Variants in R3HCC1L observed in about 807,000 individuals in gnomAD.
R3HCC1L encodes coiled-coil domain-containing protein R3HCC1L.
R3HCC1L carries 51 observed loss-of-function variants against 59.9 expected under a neutral mutation model. The observed-to-expected ratio is 0.85, with a 90% CI of 0.68 to 1.07. R3HCC1L has a LOEUF of 1.07. R3HCC1L is among the 50% of genes least tolerant of loss of function. R3HCC1L has a pLI of 0.00. For synonymous variants in R3HCC1L, 322 were observed against 315.2 expected, an observed-to-expected ratio of 1.02 and a Z score of -0.23; for missense variants, 965 against 933.0, an observed-to-expected ratio of 1.03 and a Z score of -0.45.
At chr10:98,242,091 T>C (rs1397749707) in intron 9 of R3HCC1L, among the ~76,000 whole-genome samples, 1 of 152,204 alleles carries the variant, frequency 6.6e-6, no homozygotes, top group Non-Finnish European at 1.5e-5. Context: ...ACGCCTGTCA[T>C]CCCAGCACTT....
chr10:98,175,452 C>T (rs2134434261), intron 4 of R3HCC1L, among the ~76,000 whole-genome samples: 1 of 152,200 alleles, frequency 6.6e-6, no homozygotes, highest in East Asian at 1.9e-4. Context: ...AAAAAATTCC[C>T]TTGTCACTTT....
At chr10:98,237,870 G>A (rs1002855795) in intron 9 of R3HCC1L, among the ~76,000 whole-genome samples, 4 of 152,016 alleles carry the variant, frequency 2.6e-5, no homozygotes, top group African/African-American at 9.7e-5. Flanking sequence ...TTTTTTTTCA[G>A]TGGAAACTTT....
intron 4 of R3HCC1L, among the ~76,000 whole-genome samples, chr10:98,190,457 A>G (rs1404095702): frequency 6.6e-6 from 1 of 152,180 alleles, no homozygotes; most frequent in African/African-American, 2.4e-5. Context: ...AATATTTTCT[A>G]TGCCTGTTGT....
chr10:98,161,318 A>G (rs1179389462), intron 2 of R3HCC1L, among the ~76,000 whole-genome samples: 1 of 152,080 alleles, frequency 6.6e-6, no homozygotes, highest in Non-Finnish European at 1.5e-5. Context: ...GGTCATTTTT[A>G]TATCTTTTTG....
chr10:98,223,553 T>C (rs12781480), intron 5 of R3HCC1L, among the ~76,000 whole-genome samples: 48,478 of 151,712 alleles, frequency 0.32, 7,942 homozygotes, highest in East Asian at 0.48. Flanking sequence ...CCTATAGATA[T>C]ATCTATTCTT....
intron 5 of R3HCC1L, among the ~76,000 whole-genome samples, chr10:98,215,939 T>G (rs1361050119): frequency 6.6e-6 from 1 of 152,204 alleles, no homozygotes; most frequent in African/African-American, 2.4e-5. Flanking sequence ...CAGAGGAGTT[T>G]AAAGATTGAA....
intron 9 of R3HCC1L, 117 bp from the exon 10 acceptor site, chr10:98,243,972 AAG>A (rs1388069584): frequency 2.6e-6 from 2 of 775,288 alleles, no homozygotes; most frequent in African/African-American, 1.7e-5. Flanking sequence ...GTTATCAGGT[AAG>A]AGAGACCAGG....
Position 98,182,785 on chromosome 10 carries a change from C to T in R3HCC1L, c.-15+19388C>T, listed in dbSNP as rs1005431788. Among the ~76,000 whole-genome samples the T allele has an allele frequency of 1.1e-4, 17 of 152,242 alleles. No individual in the cohort carries two copies. The East Asian group carries it at 1.2e-3, about 10-fold the overall frequency. On this transcript the variant is annotated intron_variant, in intron 4 of 9. Coordinates refer to ENST00000298999, the MANE Select transcript of R3HCC1L (RefSeq NM_001351015.2). ...TGAGCCAGGCTGCTGCCTCGCAGTT[C>T]GATCTTGGACTGCTGTACTAGTGGT...
rs368563366 is a variant in R3HCC1L at position 98,154,875 on chromosome 10, C to A, written c.-267-1218C>A. 3.3e-5 allele frequency among the ~76,000 whole-genome samples: 5 copies of A among 152,282 alleles called. No individual in the cohort carries two copies. The South Asian group carries it at 1.0e-3, about 32-fold the overall frequency. On this transcript the variant is annotated intron_variant, in intron 1 of 9. Transcript: ENST00000298999. ...TGTTGTTTTTAGGATGTAATCTCTT[C>A]ATGAATCCTTGCTTAATTAGGATTA...
At chr10:98,219,871 G>A (rs548991350) in intron 5 of R3HCC1L, among the ~76,000 whole-genome samples, 1 of 152,022 alleles carries the variant, frequency 6.6e-6, no homozygotes, top group African/African-American at 2.4e-5. Context: ...GACATTTTTG[G>A]GTTGAATCTC....
At chr10:98,207,846 CAGAAAT>C in intron 4 of R3HCC1L, among the ~76,000 whole-genome samples, 1 of 152,066 alleles carries the variant, frequency 6.6e-6, no homozygotes, top group East Asian at 1.9e-4. Context: ...CGGTCTCTAC[CAGAAAT>C]ACAAAAACAA....
chr10:98,152,981 C>T (rs1160470279), intron 1 of R3HCC1L, among the ~76,000 whole-genome samples: 4 of 149,710 alleles, frequency 2.7e-5, no homozygotes, highest in Non-Finnish European at 6.0e-5. Flanking sequence ...CCGCCCTGTC[C>T]GGGAGGGAGG....
intron 4 of R3HCC1L, among the ~76,000 whole-genome samples, chr10:98,194,390 A>G (rs1211638267): frequency 1.3e-5 from 2 of 152,202 alleles, no homozygotes; most frequent in African/African-American, 4.8e-5. Context: ...TGGAATTAGC[A>G]GTGGTTTCTT....
intron 2 of R3HCC1L, among the ~76,000 whole-genome samples, chr10:98,159,250 A>AT (rs1847173176): frequency 1.3e-5 from 2 of 152,214 alleles, no homozygotes; most frequent in Non-Finnish European, 2.9e-5. Flanking sequence ...CTTTTACATC[A>AT]TATCAGGAGG....
intron 4 of R3HCC1L, among the ~76,000 whole-genome samples, chr10:98,192,780 G>C (rs1396424565): frequency 6.6e-6 from 1 of 152,092 alleles, no homozygotes; most frequent in Non-Finnish European, 1.5e-5. Context: ...AACACTTCCA[G>C]ACTCATTTAA....
At chr10:98,153,579 CTCTGCG>C in intron 1 of R3HCC1L, among the ~76,000 whole-genome samples, 1 of 149,912 alleles carries the variant, frequency 6.7e-6, no homozygotes, top group African/African-American at 2.5e-5. Context: ...CCAAATCCCC[CTCTGCG>C]AGAAACACCC....
In R3HCC1L at chr10:98,209,601, G is replaced by C. The variant is rs767555617; in HGVS notation, c.1487G>C (p.Gly496Ala). 5 of 1,613,832 alleles carry C rather than the reference G, an allele frequency of 3.1e-6. No individual in the cohort carries two copies. The highest frequency in any genetic ancestry group is 2.5e-6 in the Non-Finnish European group (3 of 1,179,972). The change falls in exon 5 of 10, where the codon GGG becomes GCG. Residue 496 changes from glycine to alanine, a missense_variant. By Grantham distance (60) the Gly-to-Ala change is moderately conservative. Coordinates refer to ENST00000298999, the MANE Select transcript of R3HCC1L (RefSeq NM_001351015.2). ...FLDSELSMLN[G>A]TKVLSDSAVG... The stretch of plus-strand genomic sequence containing the variant: ...GACTCTGAACTCAGTATGTTAAATG[G>C]GACAAAAGTTCTTTCAGACAGTGCC...
At chr10:98,236,262 GT>G in intron 9 of R3HCC1L, 98 bp downstream of exon 9, 1 of 1,466,706 alleles carries the variant, frequency 6.8e-7, no homozygotes, top group Non-Finnish European at 9.2e-7. Context: ...CATTTTTGTC[GT>G]TTCTGTTTCC....
intron 4 of R3HCC1L, among the ~76,000 whole-genome samples, chr10:98,163,673 G>C (rs1847656231): frequency 6.6e-6 from 1 of 152,146 alleles, no homozygotes; most frequent in Non-Finnish European, 1.5e-5. Context: ...CACTAGCTTT[G>C]CTCTGTCTCT....
Sources: allele counts gnomAD v4.1 joint callset (sites outside exome capture counted in the v4.1 genomes callset), GRCh38; gene constraint gnomAD v4.1.1; transcripts MANE v1.5; gene names NCBI Gene and HGNC (gene_info 2026-07-23, HGNC 2026-07-21).